The following OSMR variants were observed in gnomAD, a reference collection of about 807,000 sequenced individuals.
OSMR encodes the protein oncostatin-M-specific receptor subunit beta.
A neutral mutation model predicts 99.9 loss-of-function variants in OSMR; 81 were observed. The ratio of observed to expected loss-of-function variants is 0.81; its 90% CI spans 0.68 to 0.97. The LOEUF is 0.97. OSMR is among the 50% of genes least tolerant of loss of function. The pLI is 0.00. For synonymous variants in OSMR, 406 were observed against 410.4 expected, an observed-to-expected ratio of 0.99 and a Z score of 0.13; for missense variants, 1,099 against 1,153.4, an observed-to-expected ratio of 0.95 and a Z score of 0.68.
chr5:38,894,240 C>A (rs1744340582), intron 7 of OSMR, among the ~76,000 whole-genome samples: 1 of 152,110 alleles, frequency 6.6e-6, no homozygotes, highest in Admixed American at 6.6e-5. Context: ...AAGTACCTAG[C>A]CCATAGACCC....
At chr5:38,944,294 A>G (rs1389685982) in exon 2 of OSMR, 4 of 763,680 alleles carry the variant, frequency 5.2e-6, no homozygotes, top group Non-Finnish European at 9.2e-6. Flanking sequence ...TGGCTGAAGT[A>G]TTAAAGAAAA....
intron 7 of OSMR, among the ~76,000 whole-genome samples, chr5:38,889,798 G>A (rs1396689188): frequency 6.6e-6 from 1 of 152,014 alleles, no homozygotes; most frequent in Non-Finnish European, 1.5e-5. Context: ...GTGTTTTGTT[G>A]TTGTTGAATT....
chr5:38,935,570 A>C lies in OSMR; in HGVS notation c.*2126A>C, dbSNP rs1328884378. 1.3e-5 allele frequency: 2 copies of C among 152,230 alleles called. No individual in the cohort carries two copies. The highest frequency in any genetic ancestry group is 4.8e-5 in the African/African-American group (2 of 41,468). 9.4% of individuals were successfully genotyped at this position (152,230 alleles called of 1,614,324 possible). On this transcript the variant is annotated 3_prime_UTR_variant, in exon 18 of 18. Transcript: ENST00000274276. ...TATTTTTCATATAGTTTTGTTTAAA[A>C]AATAATTCACGCAAAATCTTGAAGT...
intron 7 of OSMR, among the ~76,000 whole-genome samples, chr5:38,899,441 C>A (rs1744750093): frequency 6.6e-6 from 1 of 152,184 alleles, no homozygotes; most frequent in Non-Finnish European, 1.5e-5. Flanking sequence ...AAGTTAGTAC[C>A]TAAGGTGCAA....
At position 38,925,299 on chromosome 5, in the gene OSMR, A is replaced by G. The variant is rs1217399926; in HGVS notation, c.2140A>G (p.Ile714Val). ...GCCAGAATCCTTCTATGAGTTTTTC[A>G]TCACTCCATTCACTAGTGCTGGTGA... ...LKPESFYEFF[I>V]TPFTSAGEGP... The change falls in exon 15 of 18, where the codon ATC (isoleucine) becomes GTC (valine). Residue 714 changes from isoleucine (I) to valine (V), a missense_variant. Physicochemically the swap from Ile to Val is conservative, Grantham distance 29. Transcript: ENST00000274276. 2 of 1,614,148 alleles carry G rather than the reference A, an allele frequency of 1.2e-6. No homozygotes were observed. Among genetic ancestry groups the G allele is most frequent in the Non-Finnish European group, 1.7e-6 (2 of 1,180,006 alleles).
intron 11 of OSMR, chr5:38,919,324 A>T (rs1353787200): frequency 7.0e-7 from 1 of 1,428,454 alleles, no homozygotes; most frequent in Non-Finnish European, 9.3e-7. Flanking sequence ...AATTATCTCA[A>T]ATTTATTCAA....
intron 9 of OSMR, among the ~76,000 whole-genome samples, chr5:38,908,586 G>C (rs1213218548): frequency 6.6e-6 from 1 of 152,202 alleles, no homozygotes; most frequent in Non-Finnish European, 1.5e-5. Flanking sequence ...AGGGGCCAGA[G>C]AACAAAGGTG....
chr5:38,932,386 A>T (rs1289865565), intron 16 of OSMR, 77 bp from the exon 17 acceptor site: 1 of 1,020,610 alleles, frequency 9.8e-7, no homozygotes, highest in Non-Finnish European at 1.6e-6. Context: ...GAAGCCAGGA[A>T]TCTGACTCCA....
intron 15 of OSMR, among the ~76,000 whole-genome samples, chr5:38,928,226 C>T (rs1181338666): frequency 1.3e-5 from 2 of 152,138 alleles, no homozygotes; most frequent in Non-Finnish European, 2.9e-5. Flanking sequence ...TCTTCTGAGC[C>T]CTCCAAACTG....
At chr5:38,898,158 A>AT (rs1744643916) in intron 7 of OSMR, among the ~76,000 whole-genome samples, 1 of 151,950 alleles carries the variant, frequency 6.6e-6, no homozygotes, top group Non-Finnish European at 1.5e-5. Flanking sequence ...TTCTTTGTTG[A>AT]TTTTCTGTCT....
chr5:38,942,619 TA>T (rs368923211), intron 1 of OSMR, among the ~76,000 whole-genome samples: 113 of 133,650 alleles, frequency 8.5e-4, no homozygotes, highest in Non-Finnish European at 1.1e-3. Context: ...CTCGGCTAAT[TA>T]AAAAAAAAAA....
chr5:38,898,278 C>T (rs1173922490), intron 7 of OSMR, among the ~76,000 whole-genome samples: 1 of 152,086 alleles, frequency 6.6e-6, no homozygotes, highest in Non-Finnish European at 1.5e-5. Context: ...CTGGCTGCTC[C>T]AGTGTTGATT....
rs745947298 is a variant in OSMR, at chr5:38,924,572, G to A, written c.2021G>A (p.Arg674Gln). ...TCCAAGGCGAGGCAGTGCCACCCAC[G>A]ATTTGAAAAGGCAGTTCTTTCAGGT... ...LKSKARQCHP[R>Q]FEKAVLSDGS... The change falls in exon 14 of 18, where the codon CGA becomes CAA. Residue 674 changes from arginine to glutamine, a missense_variant. Physicochemically the swap from Arg to Gln is conservative, Grantham distance 43 (BLOSUM62 1). Coordinates refer to ENST00000274276, the MANE Select transcript of OSMR (RefSeq NM_003999.3). 3.1e-6 allele frequency: 5 copies of A among 1,613,138 alleles called. No individual in the cohort carries two copies. Among genetic ancestry groups the A allele is most frequent in the African/African-American group, 2.7e-5 (2 of 74,880 alleles).
intron 1 of OSMR, chr5:38,942,403 A>G (rs767260799): frequency 1.4e-6 from 2 of 1,456,656 alleles, no homozygotes; most frequent in Non-Finnish European, 1.9e-6. Context: ...GTGTATCATC[A>G]ATTACTTTTA....
At chr5:38,932,655 C>T in intron 17 of OSMR, 120 bp downstream of exon 17, 1 of 1,547,096 alleles carries the variant, frequency 6.5e-7, no homozygotes, top group Non-Finnish European at 8.7e-7. Context: ...TAAAAGCCAT[C>T]TTTGCACCCA....
chr5:38,862,171 C>G lies in OSMR; in HGVS notation c.-13-6861C>G, dbSNP rs374387878. On this transcript the variant is annotated intron_variant, in intron 1 of 17. Transcript: ENST00000274276. ...GGCTCCTCACCGGGCAGAGGGGCTC[C>G]TCACTTCCCAGTAGGGGCGGCCGGG... Among the ~76,000 whole-genome samples, 58 of 128,992 alleles carry G rather than the reference C, an allele frequency of 4.5e-4. 3 individuals are homozygous for G. In the East Asian group the frequency reaches 4.8e-3, roughly 11 times the overall value. The allele number at this position is 128,992 out of a possible 152,430, so 84.6% of individuals were successfully genotyped here.
At position 38,931,898 on chromosome 5, in the gene OSMR, A is replaced by T. The variant is rs1173808876; in HGVS notation, c.2228A>T (p.His743Leu). 3.1e-6 allele frequency: 5 copies of T among 1,613,504 alleles called. No individual in the cohort carries two copies. The highest frequency in any genetic ancestry group is 1.3e-5 in the African/African-American group (1 of 74,926). The part of the protein sequence containing the change: ...TPDEHSSMLI[H>L]ILLPMVFCVL... ...CCTCGTTCAGCCTCGATGCTGATTC[A>T]TATCCTACTGCCCATGGTTTTCTGC... The change falls in exon 16 of 18, where the codon CAT becomes CTT. Residue 743 changes from histidine to leucine, a missense_variant. By Grantham distance (99) the His-to-Leu change is moderately conservative. Transcript: ENST00000274276.
In OSMR at chr5:38,883,146, T is replaced by G. The variant is rs370263717; in HGVS notation, c.419-681T>G. Among the ~76,000 whole-genome samples the G allele has an allele frequency of 8.1e-4, 124 of 152,262 alleles. 2 individuals carry two copies. In the East Asian group the frequency reaches 0.018, roughly 22 times the overall value. On this transcript the variant is annotated intron_variant, in intron 4 of 17. Coordinates refer to ENST00000274276, the MANE Select transcript of OSMR (RefSeq NM_003999.3). Reference sequence around the variant, plus strand: ...CTGCACAACATGGCGAAGCCCCAGCTCTACTAAAAATACAAAAAATCAGCT... The same window carrying G: ...CTGCACAACATGGCGAAGCCCCAGCGCTACTAAAAATACAAAAAATCAGCT...
chr5:38,944,000 C>G (rs1296505763), intron 1 of OSMR, among the ~76,000 whole-genome samples: 1 of 152,004 alleles, frequency 6.6e-6, no homozygotes, highest in Non-Finnish European at 1.5e-5. Flanking sequence ...TTACTGAAGA[C>G]CCAAAAAAGC....
Sources: gnomAD v4.1 joint callset for allele counts (sites outside exome capture counted in the v4.1 genomes callset) on GRCh38, gnomAD v4.1.1 for gene constraint, MANE v1.5 for transcripts, NCBI Gene and HGNC (gene_info 2026-07-23, HGNC 2026-07-21) for gene names.